The following PARD6A variants were observed in gnomAD, a reference collection of about 807,000 sequenced individuals.
The protein encoded by PARD6A is par-6 family cell polarity regulator alpha.
PARD6A carries 20 observed loss-of-function variants against 21.3 expected under a neutral mutation model. That is an observed-to-expected ratio of 0.94 (90% CI 0.66 to 1.36). PARD6A has a LOEUF of 1.36. Ranked by LOEUF, PARD6A falls within the 40% of genes most tolerant of loss-of-function variation. The pLI is 0.00. For missense variants in PARD6A, 411 were observed against 482.0 expected, an observed-to-expected ratio of 0.85 and a Z score of 1.38; for synonymous variants, 214 against 204.8, an observed-to-expected ratio of 1.04 and a Z score of -0.38.
In PARD6A at chr16:67,661,304, C is replaced by T. The variant is rs886081112; in HGVS notation, c.64-151C>T. On this transcript the variant is annotated intron_variant, in intron 1 of 2. Transcript: ENST00000458121. The surrounding 1 kb of genome is among the most constrained non-coding windows in gnomAD (Gnocchi z 7.0). ...GAGTACCTGGAGGGCGGTAAGAAGACCTTGGACAGCGTCCCTGGTACTGGA... is the reference window on the plus strand; with the variant it reads ...GAGTACCTGGAGGGCGGTAAGAAGATCTTGGACAGCGTCCCTGGTACTGGA... The T allele has an allele frequency of 1.7e-6, 2 of 1,162,676 alleles. No homozygotes were observed. Among genetic ancestry groups the T allele is most frequent in the South Asian group, 1.5e-5 (1 of 66,342 alleles). The allele number at this position is 1,162,676 out of a possible 1,614,324, so 72.0% of individuals were successfully genotyped here.
chr16:67,661,785 C>T lies in PARD6A; in HGVS notation c.286+108C>T, dbSNP rs931853411. On this transcript the variant is annotated intron_variant, in intron 2 of 2. Transcript: ENST00000458121. This position sits in a 1 kb window ranked among gnomAD's most constrained non-coding sequence, Gnocchi z 7.0. ...ACCCAAGCGTCACCCTCTGCAGTCCCTGCCCTTGGCTTGACCTCTAAGTGG... is the reference window on the plus strand; with the variant it reads ...ACCCAAGCGTCACCCTCTGCAGTCCTTGCCCTTGGCTTGACCTCTAAGTGG... The T allele has an allele frequency of 1.3e-6, 2 of 1,543,454 alleles. No individual in the cohort carries two copies. The highest frequency in any genetic ancestry group is 1.7e-6 in the Non-Finnish European group (2 of 1,151,986).
rs957191909 is a variant in PARD6A at position 67,661,223 on chromosome 16, G to C, written c.63+122G>C. 5.6e-6 allele frequency: 6 copies of C among 1,064,822 alleles called. No individual in the cohort carries two copies. The African/African-American group carries it at 7.8e-5, about 14-fold the overall frequency. 66.0% of individuals were successfully genotyped at this position (1,064,822 alleles called of 1,614,324 possible). A position where few individuals can be genotyped will look rare whatever the true frequency, so the allele number is the denominator to read the frequency against. ...CAAGTCCCATTCTGCTTTTCTGCTC[G>C]CCTTCCCCCATCCGTCTTCCTTCCT... On this transcript the variant is annotated intron_variant, in intron 1 of 2. Coordinates refer to ENST00000458121, the MANE Select transcript of PARD6A (RefSeq NM_001037281.2). This position sits in a 1 kb window ranked among gnomAD's most constrained non-coding sequence, Gnocchi z 7.0.
At position 67,661,941 on chromosome 16, in the gene PARD6A, G is replaced by A. The variant is rs150549185; in HGVS notation, c.332G>A (p.Arg111Gln). Residue 111 changes from arginine (R) to glutamine (Q), a missense_variant, in exon 3 of 3, where the codon CGG becomes CAG. Transcript: ENST00000458121. The surrounding 1 kb of genome is among the most constrained non-coding windows in gnomAD (Gnocchi z 7.0). ...GLAFASNSLQ[R>Q]RKKGLLLRPV... ...GCTTTTGCCTCCAACTCTCTGCAGCGGCGCAAGAAAGGGCTCTTGCTGCGG... is the reference window on the plus strand; with the variant it reads ...GCTTTTGCCTCCAACTCTCTGCAGCAGCGCAAGAAAGGGCTCTTGCTGCGG... 15 of 1,609,674 alleles carry A rather than the reference G, an allele frequency of 9.3e-6. No homozygotes were observed. The highest frequency in any genetic ancestry group is 9.3e-6 in the Non-Finnish European group (11 of 1,179,608).
At position 67,662,619 on chromosome 16, in the gene PARD6A, G is replaced by A. The variant is rs779567500; in HGVS notation, c.1010G>A (p.Arg337Gln). 5.0e-6 allele frequency: 8 copies of A among 1,595,216 alleles called. No homozygotes were observed. Among genetic ancestry groups the A allele is most frequent in the South Asian group, 4.5e-5 (4 of 88,996 alleles). Residue 337 changes from arginine (R) to glutamine (Q), a missense_variant, in exon 3 of 3, where the codon CGA (arginine) becomes CAA (glutamine). By Grantham distance (43) the Arg-to-Gln change is conservative (BLOSUM62 1). Transcript: ENST00000458121. This position sits in a 1 kb window ranked among gnomAD's most constrained non-coding sequence, Gnocchi z 6.9. The part of the protein sequence containing the change: ...QASSGWGSRI[R>Q]GDGSGFSL ...AGTTCTGGCTGGGGGAGTCGCATTC[G>A]AGGAGATGGTAGTGGCTTCAGCCTC...
rs780062970 is a variant in PARD6A, at chr16:67,662,532, C to T, written c.923C>T (p.Pro308Leu). ...SQGPPCWDLH[P>L]GCRHPGTRSS... The stretch of plus-strand genomic sequence containing the variant: ...GGGCCCCCGTGCTGGGACCTGCACC[C>T]TGGCTGCCGACATCCTGGTACCCGC... Residue 308 changes from proline (P) to leucine (L), a missense_variant, in exon 3 of 3, where the codon CCT (proline) becomes CTT (leucine). Coordinates refer to ENST00000458121, the MANE Select transcript of PARD6A (RefSeq NM_001037281.2). This position sits in a 1 kb window ranked among gnomAD's most constrained non-coding sequence, Gnocchi z 6.9. 7.4e-6 allele frequency: 12 copies of T among 1,613,164 alleles called. No homozygotes were observed. Among genetic ancestry groups the T allele is most frequent in the Non-Finnish European group, 8.5e-6 (10 of 1,180,018 alleles).
In PARD6A at chr16:67,661,541, C is replaced by T. The variant is rs2053016692; in HGVS notation, c.150C>T (p.His50=). The part of the protein sequence containing the change: ...QEFSRLLRAV[H]QIPGLDVLLG... ...TCTCGCGGTTGCTGCGGGCGGTGCA[C>T]CAGATCCCGGGCCTGGACGTGCTAC... Residue 50 remains histidine, a synonymous_variant, in exon 2 of 3, where the codon CAC becomes CAT. Transcript: ENST00000458121. This position sits in a 1 kb window ranked among gnomAD's most constrained non-coding sequence, Gnocchi z 7.0. The T allele has an allele frequency of 6.2e-7, 1 of 1,610,452 alleles. No individual in the cohort carries two copies. Among genetic ancestry groups the T allele is most frequent in the African/African-American group, 1.3e-5 (1 of 75,054 alleles).
chr16:67,662,070 A>C lies in PARD6A; in HGVS notation c.461A>C (p.His154Pro). ...VIDVDLLPET[H>P]RRVRLHKHGS... Reference sequence around the variant, plus strand: ...GACGTGGACCTACTGCCTGAGACCCACCGACGGGTGCGGCTGCACAAGCAT... The same window carrying C: ...GACGTGGACCTACTGCCTGAGACCCCCCGACGGGTGCGGCTGCACAAGCAT... The change falls in exon 3 of 3, where the codon CAC (histidine) becomes CCC (proline). Residue 154 changes from histidine to proline, a missense_variant. His to Pro is a moderately conservative substitution (Grantham distance 77, BLOSUM62 -2). Coordinates refer to ENST00000458121, the MANE Select transcript of PARD6A (RefSeq NM_001037281.2). This position sits in a 1 kb window ranked among gnomAD's most constrained non-coding sequence, Gnocchi z 6.9. The C allele has an allele frequency of 6.2e-7, 1 of 1,613,806 alleles. No homozygotes were observed. Among genetic ancestry groups the C allele is most frequent in the Non-Finnish European group, 8.5e-7 (1 of 1,180,002 alleles).
Position 67,661,565 on chromosome 16 carries a change from A to T in PARD6A, c.174A>T (p.Leu58=), listed in dbSNP as rs2053017376. 1 of 1,610,216 alleles carries T rather than the reference A, an allele frequency of 6.2e-7. No individual in the cohort carries two copies. Among genetic ancestry groups the T allele is most frequent in the South Asian group, 1.1e-5 (1 of 91,082 alleles). Residue 58 remains leucine, a synonymous_variant, in exon 2 of 3, where the codon CTA becomes CTT. Coordinates refer to ENST00000458121, the MANE Select transcript of PARD6A (RefSeq NM_001037281.2). This position sits in a 1 kb window ranked among gnomAD's most constrained non-coding sequence, Gnocchi z 7.0. ...ACCAGATCCCGGGCCTGGACGTGCT[A>T]CTTGGCTATACGGATGCTCATGGCG... ...AVHQIPGLDV[L]LGYTDAHGDL... is the part of the protein sequence containing the mutation.
chr16:67,661,857 C>T lies in PARD6A; in HGVS notation c.287-39C>T. The T allele has an allele frequency of 6.5e-7, 1 of 1,544,674 alleles. No homozygotes were observed. ...CCTGTAAACAGCCCAAGTCGGGGAG[C>T]AGGTCTCTGATCTCAACATCCCCCC... On this transcript the variant is annotated intron_variant, in intron 2 of 2. Coordinates refer to ENST00000458121, the MANE Select transcript of PARD6A (RefSeq NM_001037281.2). This position sits in a 1 kb window ranked among gnomAD's most constrained non-coding sequence, Gnocchi z 7.0.
Position 67,661,481 on chromosome 16 carries a change from G to A in PARD6A, c.90G>A (p.Ala30=). 1 of 1,608,634 alleles carries A rather than the reference G, an allele frequency of 6.2e-7. No individual in the cohort carries two copies. ...SKFDAEFRRF[A]LPRASVSGFQ... is the part of the protein sequence containing the mutation. ...TTGACGCCGAGTTCCGACGCTTCGC[G>A]CTGCCTCGCGCTTCGGTGAGCGGCT... is the stretch of plus-strand genomic sequence containing the variant. The change falls in exon 2 of 3, where the codon GCG becomes GCA. Residue 30 remains alanine, a synonymous_variant. Transcript: ENST00000458121. This position sits in a 1 kb window ranked among gnomAD's most constrained non-coding sequence, Gnocchi z 7.0.
chr16:67,661,289 A>G lies in PARD6A; in HGVS notation c.64-166A>G. 4 of 1,056,766 alleles carry G rather than the reference A, an allele frequency of 3.8e-6. No individual in the cohort carries two copies. Among genetic ancestry groups the G allele is most frequent in the Non-Finnish European group, 5.4e-6 (4 of 737,200 alleles). The allele number at this position is 1,056,766 out of a possible 1,614,324, so 65.5% of individuals were successfully genotyped here. On this transcript the variant is annotated intron_variant, in intron 1 of 2. Transcript: ENST00000458121. This position sits in a 1 kb window ranked among gnomAD's most constrained non-coding sequence, Gnocchi z 7.0. ...AGCTCTCTGTGGCCTGAGTACCTGG[A>G]GGGCGGTAAGAAGACCTTGGACAGC...
At position 67,661,030 on chromosome 16, in the gene PARD6A, G is replaced by A. The variant is rs1244712586; in HGVS notation, c.-9G>A. The stretch of plus-strand genomic sequence containing the variant: ...CTGGGGCACCGTCCCCGGCCCGCCC[G>A]GCCCCGCCATGGCCCGGCCGCAGAG... On this transcript the variant is annotated 5_prime_UTR_variant, in exon 1 of 3. Coordinates refer to ENST00000458121, the MANE Select transcript of PARD6A (RefSeq NM_001037281.2). The surrounding 1 kb of genome is among the most constrained non-coding windows in gnomAD (Gnocchi z 7.0). 4 of 1,510,876 alleles carry A rather than the reference G, an allele frequency of 2.6e-6. No homozygotes were observed. Among genetic ancestry groups the A allele is most frequent in the Non-Finnish European group, 3.6e-6 (4 of 1,123,796 alleles). 93.6% of individuals were successfully genotyped at this position (1,510,876 alleles called of 1,614,324 possible).
chr16:67,661,069 A>C lies in PARD6A; in HGVS notation c.31A>C (p.Ser11Arg). 1 of 1,603,686 alleles carries C rather than the reference A, an allele frequency of 6.2e-7. No individual in the cohort carries two copies. The highest frequency in any genetic ancestry group is 2.3e-5 in the East Asian group (1 of 44,292). The change falls in exon 1 of 3, where the codon AGT (serine) becomes CGT (arginine). Residue 11 changes from serine to arginine, a missense_variant. Ser to Arg is a moderately radical substitution (Grantham distance 110). Coordinates refer to ENST00000458121, the MANE Select transcript of PARD6A (RefSeq NM_001037281.2). This position sits in a 1 kb window ranked among gnomAD's most constrained non-coding sequence, Gnocchi z 7.0. ...CCGGCCGCAGAGGACTCCGGCGCGCAGTCCCGATAGCATCGTCGAGGTGAA... is the reference window on the plus strand; with the variant it reads ...CCGGCCGCAGAGGACTCCGGCGCGCCGTCCCGATAGCATCGTCGAGGTGAA... MARPQRTPAR[S>R]PDSIVEVKSK...
chr16:67,662,338 C>A lies in PARD6A; in HGVS notation c.729C>A (p.Val243=). The A allele has an allele frequency of 6.2e-7, 1 of 1,614,116 alleles. No homozygotes were observed. The highest frequency in any genetic ancestry group is 1.1e-5 in the South Asian group (1 of 91,086). ...TTGCCAACAGCCATAACCTCATTGT[C>A]ACTGTCAAGCCCGCCAACCAGCGCA... ...MMVANSHNLI[V]TVKPANQRNN... The change falls in exon 3 of 3, where the codon GTC becomes GTA. Residue 243 remains valine, a synonymous_variant. Transcript: ENST00000458121. This position sits in a 1 kb window ranked among gnomAD's most constrained non-coding sequence, Gnocchi z 6.9.
Position 67,661,119 on chromosome 16 carries a change from C to T in PARD6A, c.63+18C>T. 2 of 1,602,798 alleles carry T rather than the reference C, an allele frequency of 1.2e-6. No individual in the cohort carries two copies. The highest frequency in any genetic ancestry group is 1.7e-6 in the Non-Finnish European group (2 of 1,170,906). On this transcript the variant is annotated intron_variant, in intron 1 of 2. Coordinates refer to ENST00000458121, the MANE Select transcript of PARD6A (RefSeq NM_001037281.2). This position sits in a 1 kb window ranked among gnomAD's most constrained non-coding sequence, Gnocchi z 7.0. ...AGAGCAAAGTAAGGGCTCCTCCGGC[C>T]TCGGCCCTAGGCGCTCCCAATTCCC... is the stretch of plus-strand genomic sequence containing the variant.
rs1440569825 is a variant in PARD6A at position 67,661,910 on chromosome 16, G to A, written c.301G>A (p.Gly101Ser). ...TTCTGCAGCAGAAGCTGACTCCAGC[G>A]GCCTGGCTTTTGCCTCCAACTCTCT... ...LVQKREADSS[G>S]LAFASNSLQR... Residue 101 changes from glycine (G) to serine (S), a missense_variant, in exon 3 of 3, where the codon GGC (glycine) becomes AGC (serine). Transcript: ENST00000458121. The surrounding 1 kb of genome is among the most constrained non-coding windows in gnomAD (Gnocchi z 7.0). The A allele has an allele frequency of 1.9e-6, 3 of 1,598,710 alleles. No individual in the cohort carries two copies. Among genetic ancestry groups the A allele is most frequent in the East Asian group, 2.2e-5 (1 of 44,812 alleles).
In PARD6A at chr16:67,661,082, T is replaced by G. The variant is rs1273825335; in HGVS notation, c.44T>G (p.Ile15Ser). Residue 15 changes from isoleucine (I) to serine (S), a missense_variant, in exon 1 of 3, where the codon ATC becomes AGC. Coordinates refer to ENST00000458121, the MANE Select transcript of PARD6A (RefSeq NM_001037281.2). The surrounding 1 kb of genome is among the most constrained non-coding windows in gnomAD (Gnocchi z 7.0). ...ACTCCGGCGCGCAGTCCCGATAGCA[T>G]CGTCGAGGTGAAGAGCAAAGTAAGG... ...QRTPARSPDS[I>S]VEVKSKFDAE... 14 of 1,608,608 alleles carry G rather than the reference T, an allele frequency of 8.7e-6. No homozygotes were observed. Among genetic ancestry groups the G allele is most frequent in the African/African-American group, 1.3e-5 (1 of 74,854 alleles).
At position 67,662,678 on chromosome 16, in the gene PARD6A, A is replaced by G. The variant is rs553408387; in HGVS notation, c.*31A>G. The stretch of plus-strand genomic sequence containing the variant: ...AGGATGAAGCCCCATGCCACTCCAC[A>G]CTGCTGGGACATGGCAGGGACTTCA... On this transcript the variant is annotated 3_prime_UTR_variant, in exon 3 of 3. Transcript: ENST00000458121. This position sits in a 1 kb window ranked among gnomAD's most constrained non-coding sequence, Gnocchi z 6.9. The G allele has an allele frequency of 6.7e-5, 100 of 1,500,532 alleles. 3 individuals are homozygous for G. In the South Asian group the frequency reaches 1.3e-3, roughly 20 times the overall value. 93.0% of individuals were successfully genotyped at this position (1,500,532 alleles called of 1,614,324 possible).
At position 67,661,127 on chromosome 16, in the gene PARD6A, T is replaced by C. The variant is rs1250183905; in HGVS notation, c.63+26T>C. 1.3e-6 allele frequency: 2 copies of C among 1,586,296 alleles called. No individual in the cohort carries two copies. Among genetic ancestry groups the C allele is most frequent in the Admixed American group, 1.7e-5 (1 of 59,892 alleles). On this transcript the variant is annotated intron_variant, in intron 1 of 2. Transcript: ENST00000458121. This position sits in a 1 kb window ranked among gnomAD's most constrained non-coding sequence, Gnocchi z 7.0. The stretch of plus-strand genomic sequence containing the variant: ...GTAAGGGCTCCTCCGGCCTCGGCCC[T>C]AGGCGCTCCCAATTCCCTCTTTCTC...
Sources: gnomAD v4.1 joint callset for allele counts on GRCh38, gnomAD v4.1.1 for gene constraint, Gnocchi (gnomAD v3.1) non-coding constraint, MANE v1.5 for transcripts, NCBI Gene and HGNC (gene_info 2026-07-23, HGNC 2026-07-21) for gene names.